CATSPERE: variants seen among roughly 807,000 people sequenced by gnomAD.
The protein encoded by CATSPERE is cation channel sperm-associated auxiliary subunit epsilon.
CATSPERE carries 93 observed loss-of-function variants against 114.1 expected under a neutral mutation model. The observed-to-expected ratio is 0.81, with a 90% CI of 0.69 to 0.97. The LOEUF (loss-of-function observed/expected upper bound fraction) is 0.97, where lower values mean the gene tolerates loss of function less well. CATSPERE is among the 50% of genes least tolerant of loss of function. The pLI, the probability that CATSPERE is intolerant of heterozygous loss-of-function variation, is 0.00. For missense variants in CATSPERE, 1,058 were observed against 1,131.6 expected (o/e 0.93, Z 0.93); for synonymous variants, 341 against 384.1 (o/e 0.89, Z 1.31).
chr1:244,625,820 C>T (rs1673124951), intron 20 of CATSPERE, among the ~76,000 whole-genome samples: 1 of 149,362 alleles, frequency 6.7e-6, no homozygotes, highest in Non-Finnish European at 1.5e-5. Context: ...AACTCCTGGG[C>T]TCAAGCAATC....
intron 10 of CATSPERE, among the ~76,000 whole-genome samples, chr1:244,571,396 T>C (rs1664438070): frequency 6.6e-6 from 1 of 152,232 alleles, no homozygotes; most frequent in African/African-American, 2.4e-5. Context: ...ACACAGAGAA[T>C]GTCATATCTT....
intron 7 of CATSPERE, among the ~76,000 whole-genome samples, chr1:244,508,180 T>C (rs12091322): frequency 0.056 from 8,451 of 152,176 alleles, 816 homozygotes; most frequent in African/African-American, 0.19. Context: ...GTAGAGGTCT[T>C]TTACTTCCTG....
intron 8 of CATSPERE, among the ~76,000 whole-genome samples, chr1:244,545,329 C>T (rs910550065): frequency 1.3e-5 from 2 of 152,180 alleles, no homozygotes; most frequent in Admixed American, 1.3e-4. Context: ...ATTTTGGAGG[C>T]AACATATTCC....
At chr1:244,505,588 T>G (rs1674697213) in intron 7 of CATSPERE, among the ~76,000 whole-genome samples, 1 of 152,162 alleles carries the variant, frequency 6.6e-6, no homozygotes. Context: ...ATCTCCTACC[T>G]TAAGAATAAG....
intron 3 of CATSPERE, 100 bp from the exon 4 acceptor site, chr1:244,477,806 C>A: frequency 9.8e-7 from 1 of 1,020,774 alleles, no homozygotes; most frequent in Non-Finnish European, 1.5e-6. Context: ...TATCTCTTAT[C>A]AGCATACAAT....
At chr1:244,536,128 A>C (rs1234368230) in intron 8 of CATSPERE, among the ~76,000 whole-genome samples, 1 of 151,738 alleles carries the variant, frequency 6.6e-6, no homozygotes. Flanking sequence ...GCTGATATCC[A>C]AGTTGCAAGA....
intron 11 of CATSPERE, 93 bp from the exon 12 acceptor site, chr1:244,581,703 C>T: frequency 1.7e-6 from 1 of 588,520 alleles, no homozygotes; most frequent in Non-Finnish European, 3.1e-6. Context: ...AGGCATTTTA[C>T]ATGCCTAGAT....
chr1:244,520,374 T>C (rs1677324647), intron 8 of CATSPERE, among the ~76,000 whole-genome samples: 1 of 152,222 alleles, frequency 6.6e-6, no homozygotes, highest in African/African-American at 2.4e-5. Context: ...TGTCCCAGCA[T>C]AATTTGCTGA....
chr1:244,533,507 C>CTT (rs954643211), intron 8 of CATSPERE, among the ~76,000 whole-genome samples: 3 of 151,790 alleles, frequency 2.0e-5, no homozygotes, highest in African/African-American at 7.3e-5. Flanking sequence ...TTTCTTGGTG[C>CTT]TTTTTATTTT....
intron 12 of CATSPERE, among the ~76,000 whole-genome samples, chr1:244,582,743 G>A (rs1666372637): frequency 6.6e-6 from 1 of 152,046 alleles, no homozygotes; most frequent in Non-Finnish European, 1.5e-5. Context: ...CTCCAAGTGA[G>A]TTTGACTACC....
chr1:244,592,596 G>A (rs1196621432), intron 15 of CATSPERE, among the ~76,000 whole-genome samples: 1 of 152,092 alleles, frequency 6.6e-6, no homozygotes, highest in East Asian at 1.9e-4. Context: ...TTAACCAGTA[G>A]GCATATTCTT....
chr1:244,636,221 G>A (rs1413810291), intron 21 of CATSPERE, among the ~76,000 whole-genome samples: 1 of 152,188 alleles, frequency 6.6e-6, no homozygotes. Flanking sequence ...TAATACTGAA[G>A]TTAGGACCCC....
intron 5 of CATSPERE, among the ~76,000 whole-genome samples, chr1:244,489,450 ATTTTTTTTTTTTTT>A (rs10524749): frequency 1.4e-4 from 12 of 85,566 alleles, no homozygotes; most frequent in South Asian, 6.1e-4. Context: ...AAGCATGCAG[ATTTTTTTTTTTTTT>A]TTTTTTTTTT....
intron 8 of CATSPERE, among the ~76,000 whole-genome samples, chr1:244,549,910 G>A (rs1660341307): frequency 6.6e-6 from 1 of 152,052 alleles, no homozygotes; most frequent in African/African-American, 2.4e-5. Context: ...CAGTGTGGTT[G>A]GGCATCACGC....
intron 2 of CATSPERE, among the ~76,000 whole-genome samples, chr1:244,466,032 C>T (rs1348799295): frequency 6.6e-6 from 1 of 152,122 alleles, no homozygotes; most frequent in Non-Finnish European, 1.5e-5. Context: ...AAAATAGTCG[C>T]TATAAGTGAT....
chr1:244,513,861 A>G (rs1014413954), intron 7 of CATSPERE, among the ~76,000 whole-genome samples: 6 of 152,172 alleles, frequency 3.9e-5, no homozygotes, highest in Admixed American at 2.0e-4. Context: ...AGGTCCTCCA[A>G]TGGTGTGTAT....
In CATSPERE at chr1:244,560,962, A is replaced by G. The variant is rs116279771; in HGVS notation, c.1324A>G (p.Ile442Val). 3,570 of 1,614,110 alleles carry G rather than the reference A, an allele frequency of 2.2e-3. 61 individuals are homozygous for G. The African/African-American group carries it at 0.041, about 19-fold the overall frequency. Residue 442 changes from isoleucine to valine, a missense_variant, in exon 10 of 22, where the codon ATT (isoleucine) becomes GTT (valine). Around this residue, in one of 2 missense-constraint regions of CATSPERE, gnomAD observed 787 missense variants for 905.6 expected, o/e 0.87. Coordinates refer to ENST00000366534, the MANE Select transcript of CATSPERE (RefSeq NM_001130957.2). ...VSQDFTLDAP[I>V]DSVTMPHFTF... ...CCAAGACTTTACATTAGATGCCCCT[A>G]TTGACAGTGTTACCATGCCACATTT...
intron 8 of CATSPERE, among the ~76,000 whole-genome samples, chr1:244,541,055 G>T (rs71537355): frequency 1.9e-5 from 1 of 51,286 alleles, no homozygotes; most frequent in African/African-American, 5.8e-5. Context: ...TAAAAACCCT[G>T]GAAGAAAACC....
At chr1:244,621,181 T>TTATATAAATATATCTATATATAATA (rs576560764) in intron 20 of CATSPERE, among the ~76,000 whole-genome samples, 1 of 44,750 alleles carries the variant, frequency 2.2e-5, no homozygotes, top group Non-Finnish European at 3.7e-5. Flanking sequence ...ATAGATATAT[T>TTATATAAATATATCTATATATAATA]TATATAGATA....
Sources: gnomAD v4.1 joint callset for allele counts (sites outside exome capture counted in the v4.1 genomes callset) on GRCh38, gnomAD v4.1.1 for gene constraint, gnomAD v4.1.1 regional missense constraint, MANE v1.5 for transcripts, NCBI Gene and HGNC (gene_info 2026-07-23, HGNC 2026-07-21) for gene names.